The following HMBOX1 variants were observed in gnomAD, a reference collection of about 807,000 sequenced individuals.
The protein encoded by HMBOX1 is homeobox-containing protein 1.
HMBOX1 carries 14 observed loss-of-function variants against 54.5 expected under a neutral mutation model. That is an observed-to-expected ratio of 0.26 (90% CI 0.17 to 0.40). The LOEUF (loss-of-function observed/expected upper bound fraction) is 0.40. Among genes scored for constraint, HMBOX1 ranks in the 10% least tolerant of loss-of-function variants. The probability of loss-of-function intolerance (pLI) is 1.00; values close to 1 mark genes in which losing one functional copy is unlikely to be tolerated. For missense variants in HMBOX1, 332 were observed against 514.4 expected, an observed-to-expected ratio of 0.65 and a Z score of 3.43; for synonymous variants, 160 against 181.0, an observed-to-expected ratio of 0.88 and a Z score of 0.93.
At chr8:28,940,132 C>T (rs1191038540) in intron 1 of HMBOX1, among the ~76,000 whole-genome samples, 1 of 152,168 alleles carries the variant, frequency 6.6e-6, no homozygotes, top group African/African-American at 2.4e-5. Flanking sequence ...CCTCAGCCTC[C>T]TGATAGCTAA....
chr8:29,050,357 G>A (rs1423244504), intron 9 of HMBOX1: 3 of 352,706 alleles, frequency 8.5e-6, no homozygotes, highest in African/African-American at 2.2e-5. Flanking sequence ...ATTGAGCTGC[G>A]CGGGGAGGAC....
chr8:28,980,030 C>G lies in HMBOX1; in HGVS notation c.501-41C>G, dbSNP rs759933674. Reference sequence around the variant, plus strand: ...TTTTAGCAAAGATGAGGATTTCTACCTTCAACATACATTGTTGGTCTTGTC... The same window carrying G: ...TTTTAGCAAAGATGAGGATTTCTACGTTCAACATACATTGTTGGTCTTGTC... On this transcript the variant is annotated intron_variant, in intron 3 of 9. Coordinates refer to ENST00000287701, the MANE Select transcript of HMBOX1 (RefSeq NM_001135726.3). The G allele has an allele frequency of 2.1e-6, 3 of 1,409,274 alleles. No individual in the cohort carries two copies. In the African/African-American group the frequency reaches 4.2e-5, roughly 20 times the overall value. 87.3% of individuals were successfully genotyped at this position (1,409,274 alleles called of 1,614,324 possible). A position where few individuals can be genotyped will look rare whatever the true frequency, so the allele number is the denominator to read the frequency against.
intron 1 of HMBOX1, among the ~76,000 whole-genome samples, chr8:28,932,026 G>A (rs533179297): frequency 6.6e-6 from 1 of 152,146 alleles, no homozygotes; most frequent in South Asian, 2.1e-4. Context: ...TATAAGTCAG[G>A]GTTATGATAG....
chr8:29,018,575 G>A (rs374234889), intron 5 of HMBOX1, among the ~76,000 whole-genome samples, 185 bp from the exon 6 acceptor site: 4 of 152,030 alleles, frequency 2.6e-5, no homozygotes, highest in African/African-American at 7.2e-5. Flanking sequence ...AACATCTGAG[G>A]TATATTGTTC....
chr8:28,924,471 G>A lies in HMBOX1; in HGVS notation c.-58+33793G>A, dbSNP rs542287892. Among the ~76,000 whole-genome samples, 98 of 117,032 alleles carry A rather than the reference G, an allele frequency of 8.4e-4. 6 individuals are homozygous for A. In the South Asian group the frequency reaches 0.023, roughly 28 times the overall value. 76.8% of individuals were successfully genotyped at this position (117,032 alleles called of 152,430 possible). ...TCTAATTTTTTTTTTTTTTTTTTTG[G>A]TTACCTGTGCTTTTGGTGTCTTGCC... On this transcript the variant is annotated intron_variant, in intron 1 of 9. Coordinates refer to ENST00000287701, the MANE Select transcript of HMBOX1 (RefSeq NM_001135726.3).
chr8:29,022,253 T>TA (rs1036844614), intron 6 of HMBOX1, among the ~76,000 whole-genome samples: 2 of 151,406 alleles, frequency 1.3e-5, no homozygotes, highest in African/African-American at 4.9e-5. Flanking sequence ...CCCATCTCTA[T>TA]AAAAAATACA....
intron 1 of HMBOX1, among the ~76,000 whole-genome samples, chr8:28,900,271 A>AATATATAT (rs1554519263): frequency 2.0e-3 from 140 of 70,332 alleles, no homozygotes; most frequent in South Asian, 3.3e-3. Flanking sequence ...AAAAAAAAAA[A>AATATATAT]ATATATATAT....
At chr8:29,020,886 T>C (rs991215170) in intron 6 of HMBOX1, among the ~76,000 whole-genome samples, 11 of 152,132 alleles carry the variant, frequency 7.2e-5, no homozygotes, top group Admixed American at 1.3e-4. Flanking sequence ...TGGTATAAGA[T>C]AAAAGTAAGG....
chr8:28,919,206 A>G (rs1161189915), intron 1 of HMBOX1, among the ~76,000 whole-genome samples: 2 of 152,230 alleles, frequency 1.3e-5, no homozygotes, highest in Admixed American at 6.5e-5. Context: ...TTTGGCTACC[A>G]AAATCTGCTG....
intron 2 of HMBOX1, among the ~76,000 whole-genome samples, chr8:28,966,963 C>T (rs193031609): frequency 2.6e-5 from 4 of 152,280 alleles, no homozygotes; most frequent in African/African-American, 7.2e-5. Context: ...ATATCAGGGG[C>T]TTAGGGATTA....
chr8:28,930,196 T>C (rs1819245605), intron 1 of HMBOX1, among the ~76,000 whole-genome samples: 1 of 152,074 alleles, frequency 6.6e-6, no homozygotes, highest in Admixed American at 6.5e-5. Flanking sequence ...CTCCTCCCCA[T>C]CTGGACTTAA....
chr8:28,956,338 T>C (rs1251283710), intron 1 of HMBOX1, among the ~76,000 whole-genome samples: 1 of 152,012 alleles, frequency 6.6e-6, no homozygotes, highest in Admixed American at 6.6e-5. Context: ...TTCTTCATAA[T>C]AGGAAATTTT....
chr8:28,934,454 C>G (rs911771474), intron 1 of HMBOX1, among the ~76,000 whole-genome samples: 1 of 152,120 alleles, frequency 6.6e-6, no homozygotes, highest in African/African-American at 2.4e-5. Flanking sequence ...TATACTATAG[C>G]TCCTCACCAG....
At chr8:28,934,186 A>G (rs902582918) in intron 1 of HMBOX1, among the ~76,000 whole-genome samples, 3 of 152,246 alleles carry the variant, frequency 2.0e-5, no homozygotes, top group Non-Finnish European at 4.4e-5. Flanking sequence ...TCTAAAATCA[A>G]TATGATTCAC....
At chr8:29,023,661 T>C (rs905835889) in intron 6 of HMBOX1, among the ~76,000 whole-genome samples, 14 of 152,248 alleles carry the variant, frequency 9.2e-5, no homozygotes, top group South Asian at 6.2e-4. Context: ...CTCAGTCTCC[T>C]ACAGTCCTGG....
intron 1 of HMBOX1, among the ~76,000 whole-genome samples, chr8:28,944,996 A>G (rs952010912): frequency 6.6e-6 from 1 of 152,162 alleles, no homozygotes; most frequent in Non-Finnish European, 1.5e-5. Flanking sequence ...CAACTTTCTC[A>G]TCATAGTTTG....
In HMBOX1 at chr8:29,018,906, A is replaced by C; in HGVS notation, c.844A>C (p.Met282Leu). 1 of 1,614,118 alleles carries C rather than the reference A, an allele frequency of 6.2e-7. No homozygotes were observed. The highest frequency in any genetic ancestry group is 2.2e-5 in the East Asian group (1 of 44,878). The change falls in exon 6 of 10, where the codon ATG (methionine) becomes CTG (leucine). Residue 282 changes from methionine (M) to leucine (L), a missense_variant. Coordinates refer to ENST00000287701, the MANE Select transcript of HMBOX1 (RefSeq NM_001135726.3). ...FTWRKECLAV[M>L]ESYFNENQYP... ...CTGGAGAAAGGAGTGCCTGGCTGTT[A>C]TGGAAAGGTATGTGTCTCCTTTTTC...
At chr8:28,927,749 ACTC>A (rs778106138) in intron 1 of HMBOX1, among the ~76,000 whole-genome samples, 2 of 143,974 alleles carry the variant, frequency 1.4e-5, no homozygotes, top group Non-Finnish European at 3.0e-5. Flanking sequence ...AAAAACTACT[ACTC>A]ATTTTGGGAG....
intron 3 of HMBOX1, among the ~76,000 whole-genome samples, chr8:28,978,708 G>T (rs1005428671): frequency 1.4e-5 from 2 of 144,772 alleles, no homozygotes; most frequent in South Asian, 4.4e-4. Context: ...AATTGCTTGC[G>T]CCCGGTAGGT....
Sources: gnomAD v4.1 joint callset for allele counts (sites outside exome capture counted in the v4.1 genomes callset) on GRCh38, gnomAD v4.1.1 for gene constraint, MANE v1.5 for transcripts, NCBI Gene and HGNC (gene_info 2026-07-23, HGNC 2026-07-21) for gene names.